The following ACVR2A variants were observed in gnomAD, a reference collection of about 807,000 sequenced individuals.
The protein encoded by ACVR2A is activin receptor type-2A.
Under a neutral mutation model 61.4 loss-of-function variants are expected in ACVR2A, and 7 were observed. The observed-to-expected ratio is 0.11, with a 90% CI of 0.06 to 0.21. The LOEUF (loss-of-function observed/expected upper bound fraction) is 0.21, where lower values mean the gene tolerates loss of function less well. Among genes scored for constraint, ACVR2A ranks in the 10% least tolerant of loss-of-function variants. ACVR2A has a pLI of 1.00. For synonymous variants in ACVR2A, 193 were observed against 208.3 expected, an observed-to-expected ratio of 0.93 and a Z score of 0.63; for missense variants, 322 against 621.7, an observed-to-expected ratio of 0.52 and a Z score of 5.13.
rs530283078 is a variant in ACVR2A, at chr2:147,928,278, A to G, written c.*1004A>G. 1.5e-4 allele frequency: 23 copies of G among 152,428 alleles called. No homozygotes were observed. Among genetic ancestry groups the G allele is most frequent in the African/African-American group, 5.3e-4 (22 of 41,494 alleles). 9.4% of individuals were successfully genotyped at this position (152,428 alleles called of 1,614,324 possible). A position where few individuals can be genotyped will look rare whatever the true frequency, so the allele number is the denominator to read the frequency against. The stretch of plus-strand genomic sequence containing the variant: ...CTCTTCATTTTATCTTTTAAAATAG[A>G]GTTTTTTCTATTTATATATGTAAAA... On this transcript the variant is annotated 3_prime_UTR_variant, in exon 11 of 11. Transcript: ENST00000241416.
chr2:147,898,797 A>T (rs147392641), intron 2 of ACVR2A, among the ~76,000 whole-genome samples: 81 of 152,064 alleles, frequency 5.3e-4, no homozygotes, highest in African/African-American at 1.9e-3. Flanking sequence ...AATCCGTTTG[A>T]GTTAGTAGGT....
At chr2:147,849,816 C>T (rs1573908924) in intron 1 of ACVR2A, among the ~76,000 whole-genome samples, 2 of 152,172 alleles carry the variant, frequency 1.3e-5, no homozygotes, top group Non-Finnish European at 2.9e-5. Flanking sequence ...ACATTTTCGC[C>T]TTTTGGGTCC....
At chr2:147,920,513 C>T (rs187513657) in intron 8 of ACVR2A, among the ~76,000 whole-genome samples, 169 bp downstream of exon 8, 236 of 152,256 alleles carry the variant, frequency 1.6e-3, no homozygotes, top group African/African-American at 5.3e-3. Flanking sequence ...GTAGAGGACT[C>T]AGGTGGTTTA....
intron 4 of ACVR2A, among the ~76,000 whole-genome samples, chr2:147,914,691 A>C (rs1199247544): frequency 6.6e-6 from 1 of 152,002 alleles, no homozygotes; most frequent in African/African-American, 2.4e-5. Context: ...CAATGTGTTT[A>C]AGAATGACTG....
intron 4 of ACVR2A, among the ~76,000 whole-genome samples, chr2:147,910,741 C>A (rs530331711): frequency 6.6e-6 from 1 of 152,002 alleles, no homozygotes; most frequent in Non-Finnish European, 1.5e-5. Context: ...AAATGAAAAT[C>A]CTGTTCTCTA....
intron 1 of ACVR2A, among the ~76,000 whole-genome samples, chr2:147,883,003 A>G (rs1432943633): frequency 6.6e-6 from 1 of 152,144 alleles, no homozygotes; most frequent in Non-Finnish European, 1.5e-5. Flanking sequence ...TAACTTGTCT[A>G]TCAAAAGTCT....
intron 1 of ACVR2A, among the ~76,000 whole-genome samples, chr2:147,859,954 C>G (rs775236504): frequency 6.6e-6 from 1 of 152,116 alleles, no homozygotes; most frequent in Non-Finnish European, 1.5e-5. Context: ...GAGCTATGTA[C>G]GACTTCCTTT....
At chr2:147,913,512 A>T (rs746639046) in intron 4 of ACVR2A, among the ~76,000 whole-genome samples, 10 of 151,894 alleles carry the variant, frequency 6.6e-5, no homozygotes, top group Non-Finnish European at 1.5e-4. Context: ...GCCCTTGAGG[A>T]CTGAATGGTT....
At chr2:147,894,035 T>G (rs1482001151) in intron 1 of ACVR2A, among the ~76,000 whole-genome samples, 3 of 152,168 alleles carry the variant, frequency 2.0e-5, no homozygotes, top group Non-Finnish European at 4.4e-5. Flanking sequence ...TTAATTTTTG[T>G]ATATGGCGTG....
At chr2:147,868,257 G>C (rs116984651) in intron 1 of ACVR2A, among the ~76,000 whole-genome samples, 510 of 152,234 alleles carry the variant, frequency 3.4e-3, no homozygotes, top group East Asian at 8.1e-3. Context: ...AGAGGATTCT[G>C]TACAGAGTGG....
chr2:147,884,063 T>C (rs1179651885), intron 1 of ACVR2A, among the ~76,000 whole-genome samples: 1 of 152,202 alleles, frequency 6.6e-6, no homozygotes, highest in Non-Finnish European at 1.5e-5. Context: ...GGAACTATTG[T>C]GTGCATGTTT....
intron 1 of ACVR2A, among the ~76,000 whole-genome samples, chr2:147,878,354 G>A (rs1009656414): frequency 1.3e-5 from 2 of 151,908 alleles, no homozygotes; most frequent in African/African-American, 2.4e-5. Context: ...AGCCAGTATC[G>A]AAAACAACTT....
chr2:147,891,638 T>C lies in ACVR2A; in HGVS notation c.56-4663T>C, dbSNP rs138467433. 3.9e-3 allele frequency among the ~76,000 whole-genome samples: 587 copies of C among 152,328 alleles called. 4 individuals are homozygous for C. Among genetic ancestry groups the C allele is most frequent in the African/African-American group, 0.013 (561 of 41,568 alleles). ...ACTACATGAAATCCAATTTTCAGTG[T>C]CCATAAATAAAGTTTTAATGCAACA... On this transcript the variant is annotated intron_variant, in intron 1 of 10. Coordinates refer to ENST00000241416, the MANE Select transcript of ACVR2A (RefSeq NM_001616.5).
intron 1 of ACVR2A, among the ~76,000 whole-genome samples, chr2:147,874,246 A>G (rs1282479979): frequency 6.6e-6 from 1 of 151,904 alleles, no homozygotes; most frequent in Admixed American, 6.6e-5. Flanking sequence ...GCAAGTTACA[A>G]TTATCCAGGT....
intron 8 of ACVR2A, 100 bp downstream of exon 8, chr2:147,920,444 T>G (rs1248700658): frequency 3.4e-6 from 3 of 877,770 alleles, no homozygotes; most frequent in South Asian, 1.7e-5. Flanking sequence ...TGTTGTGGTG[T>G]TTAAATCAGC....
chr2:147,888,776 A>G (rs923750606), intron 1 of ACVR2A, among the ~76,000 whole-genome samples: 2 of 151,530 alleles, frequency 1.3e-5, no homozygotes, highest in African/African-American at 4.9e-5. Context: ...CTTTCTAGAC[A>G]GTATGCCCTT....
At chr2:147,900,884 C>T (rs1024212504) in intron 4 of ACVR2A, among the ~76,000 whole-genome samples, 3 of 151,988 alleles carry the variant, frequency 2.0e-5, no homozygotes, top group Admixed American at 1.3e-4. Context: ...ACCAAAACAA[C>T]TCCTTCCCTC....
At chr2:147,914,422 C>G (rs1558812512) in intron 4 of ACVR2A, among the ~76,000 whole-genome samples, 2 of 151,912 alleles carry the variant, frequency 1.3e-5, no homozygotes, top group African/African-American at 4.8e-5. Context: ...ATTATGTTTG[C>G]TCTATTTTTA....
At chr2:147,892,827 G>T (rs75907594) in intron 1 of ACVR2A, among the ~76,000 whole-genome samples, 1 of 151,088 alleles carries the variant, frequency 6.6e-6, no homozygotes, top group Non-Finnish European at 1.5e-5. Flanking sequence ...TTTTTTTTTG[G>T]TGTGACTGTT....
Sources: allele counts gnomAD v4.1 joint callset (sites outside exome capture counted in the v4.1 genomes callset), GRCh38; gene constraint gnomAD v4.1.1; transcripts MANE v1.5; gene names NCBI Gene and HGNC (gene_info 2026-07-23, HGNC 2026-07-21).